Variants in HPSE2 observed in about 807,000 individuals in gnomAD.
HPSE2 encodes heparanase 2 (inactive), also known as inactive heparanase-2.
A neutral mutation model predicts 60.5 loss-of-function variants in HPSE2; 38 were observed. The observed-to-expected ratio is 0.63, with a 90% CI of 0.48 to 0.82. HPSE2 has a LOEUF of 0.82. Ranked by LOEUF, HPSE2 falls within the 40% of genes least tolerant of loss-of-function variation. The pLI is 0.00. For missense variants in HPSE2, 713 were observed against 740.4 expected (o/e 0.96, Z 0.43); for synonymous variants, 295 against 293.2 (o/e 1.01, Z -0.06).
Position 98,620,633 on chromosome 10 carries a change from T to G in HPSE2, c.1174A>C (p.Asn392His). The G allele has an allele frequency of 6.2e-7, 1 of 1,614,090 alleles. No individual in the cohort carries two copies. The highest frequency in any genetic ancestry group is 8.5e-7 in the Non-Finnish European group (1 of 1,179,976). ...VVTTSAGGTN[N>H]LSDSYAAGFL... ...CCTGCAGCATAGGAATCGGATAGAT[T>G]GTTTGTGCCTCCAGCTGAGGTGGTC... Residue 392 changes from asparagine (N) to histidine (H), a missense_variant, in exon 8 of 12, where the codon AAT (asparagine) becomes CAT (histidine). Asn to His is a moderately conservative substitution (Grantham distance 68). Coordinates refer to ENST00000370552, the MANE Select transcript of HPSE2 (RefSeq NM_021828.5).
intron 4 of HPSE2, among the ~76,000 whole-genome samples, chr10:98,740,720 G>A (rs970739186): frequency 6.6e-6 from 1 of 152,094 alleles, no homozygotes; most frequent in African/African-American, 2.4e-5. Context: ...CATGGTGTAG[G>A]TATATGGAAA....
chr10:99,156,270 T>A (rs1248027723), intron 2 of HPSE2, among the ~76,000 whole-genome samples: 1 of 119,416 alleles, frequency 8.4e-6, no homozygotes, highest in African/African-American at 2.7e-5. Context: ...ATCATTCTGA[T>A]ACCAAAGCCG....
intron 3 of HPSE2, among the ~76,000 whole-genome samples, chr10:98,755,074 A>C (rs1454936101): frequency 6.6e-6 from 1 of 152,082 alleles, no homozygotes; most frequent in African/African-American, 2.4e-5. Context: ...AAAAGGCACA[A>C]AGTGGCAAGT....
At chr10:99,152,993 G>A (rs969386936) in intron 2 of HPSE2, among the ~76,000 whole-genome samples, 1 of 152,230 alleles carries the variant, frequency 6.6e-6, no homozygotes, top group African/African-American at 2.4e-5. Context: ...GGGTGACAGA[G>A]GGCACCTGGA....
At chr10:98,794,964 A>AGGGAGGGGAG (rs966522231) in intron 3 of HPSE2, among the ~76,000 whole-genome samples, 1 of 127,196 alleles carries the variant, frequency 7.9e-6, no homozygotes, top group East Asian at 2.8e-4. Context: ...ACCATAGCCA[A>AGGGAGGGGAG]GGGAGGGGAG....
At chr10:98,832,564 T>G (rs1377184083) in intron 3 of HPSE2, among the ~76,000 whole-genome samples, 2 of 152,174 alleles carry the variant, frequency 1.3e-5, no homozygotes, top group African/African-American at 4.8e-5. Flanking sequence ...GTTTGGAGGA[T>G]TCTAAAAGTC....
the HPSE2 span, among the ~76,000 whole-genome samples, chr10:99,279,163 T>C: frequency 3.9e-4 from 60 of 152,324 alleles, no homozygotes; most frequent in South Asian, 1.0e-3. Context: ...TTCTTTTTGA[T>C]AGAAGACAGA....
the HPSE2 span, among the ~76,000 whole-genome samples, chr10:99,267,353 C>T: frequency 6.6e-6 from 1 of 151,966 alleles, no homozygotes; most frequent in Admixed American, 6.6e-5. Flanking sequence ...AAAGTCTCAG[C>T]AATAGAATCA....
intron 11 of HPSE2, among the ~76,000 whole-genome samples, chr10:98,473,484 CAAA>C (rs752065277): frequency 1.1e-4 from 5 of 44,294 alleles, no homozygotes; most frequent in Admixed American, 2.5e-4. Context: ...GACTCTGTCT[CAAA>C]AAAAAAAAAA....
chr10:98,889,974 C>G (rs920868111), intron 3 of HPSE2, among the ~76,000 whole-genome samples: 1 of 152,060 alleles, frequency 6.6e-6, no homozygotes. Context: ...AAAATACATC[C>G]AGAACATGAG....
intron 4 of HPSE2, among the ~76,000 whole-genome samples, chr10:98,740,660 C>CT (rs1949475050): frequency 6.6e-6 from 1 of 152,122 alleles, no homozygotes; most frequent in Non-Finnish European, 1.5e-5. Context: ...GAAACTTATA[C>CT]TTTGTTTTTT....
intron 3 of HPSE2, among the ~76,000 whole-genome samples, chr10:98,891,901 G>A (rs1953345805): frequency 6.6e-6 from 1 of 152,048 alleles, no homozygotes; most frequent in African/African-American, 2.4e-5. Flanking sequence ...CTCCTGAGTA[G>A]CTGGGAATAC....
chr10:98,753,206 A>AT (rs1056544329), intron 3 of HPSE2, among the ~76,000 whole-genome samples: 4 of 152,194 alleles, frequency 2.6e-5, no homozygotes, highest in African/African-American at 9.7e-5. Flanking sequence ...GTTATGTATT[A>AT]TCACTAAAAA....
At chr10:98,925,364 CTT>C (rs111785284) in intron 3 of HPSE2, among the ~76,000 whole-genome samples, 1 of 147,460 alleles carries the variant, frequency 6.8e-6, no homozygotes. Context: ...TTTTAATTGG[CTT>C]TTTTTTTTTT....
At chr10:98,771,996 T>C (rs1950250941) in intron 3 of HPSE2, among the ~76,000 whole-genome samples, 1 of 152,166 alleles carries the variant, frequency 6.6e-6, no homozygotes, top group Non-Finnish European at 1.5e-5. Context: ...ATTAGGAATG[T>C]GCTGGTGAGA....
intron 3 of HPSE2, among the ~76,000 whole-genome samples, chr10:98,861,484 G>C (rs1176656250): frequency 6.6e-6 from 1 of 152,036 alleles, no homozygotes; most frequent in African/African-American, 2.4e-5. Flanking sequence ...GGACCCCTAG[G>C]GCACCACCAT....
chr10:99,266,116 G>A, the HPSE2 span, among the ~76,000 whole-genome samples: 2 of 152,192 alleles, frequency 1.3e-5, no homozygotes, highest in Admixed American at 6.5e-5. Flanking sequence ...AACCTAACAC[G>A]AAGTTTCCCG....
chr10:99,037,256 T>G (rs1208975190), intron 3 of HPSE2, among the ~76,000 whole-genome samples: 1 of 152,136 alleles, frequency 6.6e-6, no homozygotes, highest in African/African-American at 2.4e-5. Context: ...TATCCTGTAT[T>G]AGATCCTGGG....
chr10:98,893,198 G>T (rs999940708), intron 3 of HPSE2, among the ~76,000 whole-genome samples: 4 of 152,046 alleles, frequency 2.6e-5, no homozygotes, highest in Non-Finnish European at 4.4e-5. Flanking sequence ...TTCCCGAGCA[G>T]CTGGGATTAC....
Sources: gnomAD v4.1 joint callset for allele counts (sites outside exome capture counted in the v4.1 genomes callset) on GRCh38, gnomAD v4.1.1 for gene constraint, MANE v1.5 for transcripts, NCBI Gene and HGNC (gene_info 2026-07-23, HGNC 2026-07-21) for gene names.